The following COL19A1 variants were observed in gnomAD, a reference collection of about 807,000 sequenced individuals.
COL19A1 encodes the protein collagen type XIX alpha 1 chain.
A neutral mutation model predicts 190.2 loss-of-function variants in COL19A1; 159 were observed. The observed-to-expected ratio is 0.84, with a 90% CI of 0.73 to 0.95. COL19A1 has a LOEUF of 0.95. COL19A1 is among the 40% of genes least tolerant of loss of function. The pLI is 0.00. For missense variants in COL19A1, 1,418 were observed against 1,431.9 expected, an observed-to-expected ratio of 0.99 and a Z score of 0.16; for synonymous variants, 509 against 458.9, an observed-to-expected ratio of 1.11 and a Z score of -1.39.
chr6:69,996,234 A>G (rs1776896821), intron 11 of COL19A1, among the ~76,000 whole-genome samples: 1 of 152,186 alleles, frequency 6.6e-6, no homozygotes, highest in Non-Finnish European at 1.5e-5. Flanking sequence ...ACAAAGGATA[A>G]TAATAGAAAA....
At chr6:70,063,708 A>G (rs1324684929) in intron 14 of COL19A1, among the ~76,000 whole-genome samples, 1 of 152,150 alleles carries the variant, frequency 6.6e-6, no homozygotes, top group Non-Finnish European at 1.5e-5. Flanking sequence ...TTTTTTGAAA[A>G]GATCAACAGA....
chr6:70,118,620 T>C (rs78919829), intron 16 of COL19A1, among the ~76,000 whole-genome samples: 2,454 of 152,308 alleles, frequency 0.016, 63 homozygotes, highest in African/African-American at 0.055. Flanking sequence ...CATGATGAGA[T>C]TAAGTGGTAG....
chr6:70,063,918 C>G (rs527773624), intron 14 of COL19A1, among the ~76,000 whole-genome samples: 143 of 152,274 alleles, frequency 9.4e-4, no homozygotes, highest in African/African-American at 3.4e-3. Context: ...CCTCCCAAGA[C>G]TAAACCAGGA....
chr6:70,140,421 T>G (rs1410887487), intron 19 of COL19A1, among the ~76,000 whole-genome samples: 1 of 152,092 alleles, frequency 6.6e-6, no homozygotes, highest in Non-Finnish European at 1.5e-5. Context: ...ATTGCTTGAA[T>G]CCATGGACAC....
intron 14 of COL19A1, among the ~76,000 whole-genome samples, chr6:70,056,793 A>G (rs3805996): frequency 0.12 from 18,364 of 152,146 alleles, 1,467 homozygotes; most frequent in East Asian, 0.21. Flanking sequence ...AAAAATTATT[A>G]CAGCATGGAG....
At chr6:69,999,203 G>A (rs1034477350) in intron 11 of COL19A1, among the ~76,000 whole-genome samples, 2 of 150,542 alleles carry the variant, frequency 1.3e-5, no homozygotes, top group Admixed American at 6.6e-5. Flanking sequence ...GATTACAGGC[G>A]TGAGCCACCA....
intron 48 of COL19A1, among the ~76,000 whole-genome samples, chr6:70,193,577 ACT>A (rs1429004896): frequency 6.6e-6 from 1 of 152,030 alleles, no homozygotes; most frequent in Admixed American, 6.5e-5. Flanking sequence ...CAGAGCCAGT[ACT>A]CCCTCAGAAA....
intron 11 of COL19A1, among the ~76,000 whole-genome samples, chr6:70,016,366 T>TAAAAA (rs752043571): frequency 3.2e-4 from 12 of 37,430 alleles, no homozygotes; most frequent in South Asian, 8.3e-4. Context: ...TAGAGTATAA[T>TAAAAA]AAAAAAAAAA....
chr6:69,902,552 C>A (rs1438232405), intron 4 of COL19A1, among the ~76,000 whole-genome samples: 1 of 152,164 alleles, frequency 6.6e-6, no homozygotes. Context: ...GAGTCTCAGG[C>A]AAAATACAAG....
At chr6:69,976,823 A>T (rs574462115) in intron 11 of COL19A1, among the ~76,000 whole-genome samples, 4 of 152,214 alleles carry the variant, frequency 2.6e-5, no homozygotes, top group Non-Finnish European at 5.9e-5. Flanking sequence ...AAGGGAGACA[A>T]TTGCCAGGAA....
intron 16 of COL19A1, among the ~76,000 whole-genome samples, chr6:70,121,068 C>A (rs1256854640): frequency 2.6e-5 from 4 of 152,116 alleles, no homozygotes; most frequent in Non-Finnish European, 5.9e-5. Flanking sequence ...ATTTTCTCTC[C>A]TCCTAGCTTT....
chr6:70,050,328 T>C (rs982202993), intron 14 of COL19A1, among the ~76,000 whole-genome samples: 1 of 152,054 alleles, frequency 6.6e-6, no homozygotes, highest in East Asian at 1.9e-4. Flanking sequence ...CAAATGTTTA[T>C]AGAGAACTTT....
chr6:69,934,449 G>A (rs540351052), intron 7 of COL19A1, among the ~76,000 whole-genome samples: 1 of 151,848 alleles, frequency 6.6e-6, no homozygotes, highest in East Asian at 1.9e-4. Context: ...ATGATATTTT[G>A]ATATATCTGA....
intron 7 of COL19A1, among the ~76,000 whole-genome samples, chr6:69,933,700 G>A (rs915152939): frequency 3.3e-5 from 5 of 151,926 alleles, no homozygotes; most frequent in African/African-American, 9.7e-5. Context: ...GGCCGTGTGT[G>A]CTATCTTATA....
In COL19A1 at chr6:69,936,856, A is replaced by T. The variant is rs1421225583; in HGVS notation, c.819A>T (p.Ser273=). 5.0e-6 allele frequency: 8 copies of T among 1,613,206 alleles called. No homozygotes were observed. In the East Asian group the frequency reaches 1.8e-4, roughly 36 times the overall value. ...CTGCTCATGCCAGTAAAATGTCTTC[A>T]TATCTGCCAGCAAAGCAGGAACTTA... The part of the protein sequence containing the change: ...WVTAHASKMS[S]YLPAKQELKD... The change falls in exon 8 of 51, where the codon TCA becomes TCT. Residue 273 remains serine, a synonymous_variant. Coordinates refer to ENST00000620364, the MANE Select transcript of COL19A1 (RefSeq NM_001858.6).
intron 11 of COL19A1, among the ~76,000 whole-genome samples, chr6:69,966,479 G>T (rs1425220825): frequency 6.6e-6 from 1 of 152,102 alleles, no homozygotes; most frequent in Admixed American, 6.5e-5. Context: ...CCCCAACCCC[G>T]TGCTCTCTGA....
intron 11 of COL19A1, among the ~76,000 whole-genome samples, chr6:70,021,185 C>T (rs774451945): frequency 2.0e-5 from 3 of 152,152 alleles, no homozygotes; most frequent in East Asian, 1.9e-4. Flanking sequence ...AAATCCATTG[C>T]GGAGTTTTGC....
At chr6:69,872,113 G>A (rs546655546) in intron 1 of COL19A1, among the ~76,000 whole-genome samples, 2 of 152,118 alleles carry the variant, frequency 1.3e-5, no homozygotes, top group Admixed American at 6.5e-5. Context: ...CACCATGCCT[G>A]GCTGTACATG....
intron 11 of COL19A1, among the ~76,000 whole-genome samples, chr6:69,966,146 G>C (rs908606039): frequency 1.3e-5 from 2 of 152,182 alleles, no homozygotes; most frequent in African/African-American, 4.8e-5. Flanking sequence ...AGCCGTCCGG[G>C]AGGTGGGGGG....
Sources: allele counts gnomAD v4.1 joint callset (sites outside exome capture counted in the v4.1 genomes callset), GRCh38; gene constraint gnomAD v4.1.1; transcripts MANE v1.5; gene names NCBI Gene and HGNC (gene_info 2026-07-23, HGNC 2026-07-21).